Variants in PRIM2 observed in about 807,000 individuals in gnomAD.
The protein encoded by PRIM2 is DNA primase large subunit.
A neutral mutation model predicts 67.3 loss-of-function variants in PRIM2; 39 were observed. The observed-to-expected ratio is 0.58, with a 90% CI of 0.45 to 0.76. PRIM2 has a LOEUF of 0.76. PRIM2 is among the 30% of genes least tolerant of loss of function. The pLI is 0.00. For synonymous variants in PRIM2, 143 were observed against 198.7 expected (o/e 0.72, Z 2.36); for missense variants, 398 against 598.7 (o/e 0.66, Z 3.50).
At chr6:57,493,633 T>G (rs1327865952) in intron 7 of PRIM2, among the ~76,000 whole-genome samples, 1 of 152,208 alleles carries the variant, frequency 6.6e-6, no homozygotes, top group African/African-American at 2.4e-5. Context: ...TTCAAAACAT[T>G]TTACTAAAGA....
chr6:57,506,890 G>T (rs1774262195), intron 7 of PRIM2, among the ~76,000 whole-genome samples: 2 of 151,860 alleles, frequency 1.3e-5, no homozygotes. Flanking sequence ...GATATCCTTG[G>T]TTCCTTATAG....
chr6:57,521,506 C>T (rs1774623529), intron 8 of PRIM2, among the ~76,000 whole-genome samples: 1 of 150,706 alleles, frequency 6.6e-6, no homozygotes, highest in Non-Finnish European at 1.5e-5. Flanking sequence ...ATTATTACAC[C>T]TGGCTTTATG....
chr6:57,451,659 G>C (rs1157782509), intron 7 of PRIM2, among the ~76,000 whole-genome samples: 1 of 152,070 alleles, frequency 6.6e-6, no homozygotes, highest in Non-Finnish European at 1.5e-5. Flanking sequence ...GGCAGTGCTA[G>C]AGTATGAAAA....
chr6:57,588,267 A>C (rs1776229253), intron 10 of PRIM2, among the ~76,000 whole-genome samples: 1 of 152,104 alleles, frequency 6.6e-6, no homozygotes. Flanking sequence ...TTGACCTTTA[A>C]GAGGTCCCAT....
At chr6:57,424,294 A>G (rs1267949902) in intron 7 of PRIM2, among the ~76,000 whole-genome samples, 1 of 152,198 alleles carries the variant, frequency 6.6e-6, no homozygotes, top group Non-Finnish European at 1.5e-5. Context: ...TTTATTAACA[A>G]AAAGATAGTA....
chr6:57,431,089 G>GAC (rs1241396224), intron 7 of PRIM2, among the ~76,000 whole-genome samples: 19 of 152,232 alleles, frequency 1.2e-4, no homozygotes, highest in African/African-American at 4.3e-4. Context: ...TACACACACA[G>GAC]ACACACACAC....
intron 7 of PRIM2, among the ~76,000 whole-genome samples, chr6:57,493,036 T>C (rs1773931747): frequency 6.6e-6 from 1 of 152,238 alleles, no homozygotes; most frequent in Non-Finnish European, 1.5e-5. Flanking sequence ...AGTTCTGAGA[T>C]TGATTGATTT....
At chr6:57,385,541 A>G (rs949330465) in intron 7 of PRIM2, among the ~76,000 whole-genome samples, 5 of 152,214 alleles carry the variant, frequency 3.3e-5, no homozygotes, top group Non-Finnish European at 4.4e-5. Flanking sequence ...ATTAATGTTT[A>G]TAAGTTACTA....
At chr6:57,575,529 A>G (rs1379257625) in intron 10 of PRIM2, among the ~76,000 whole-genome samples, 1 of 152,102 alleles carries the variant, frequency 6.6e-6, no homozygotes, top group African/African-American at 2.4e-5. Flanking sequence ...CTATTGAGGG[A>G]CTCTGTTACT....
In PRIM2 at chr6:57,375,947, C is replaced by T. The variant is rs570066608; in HGVS notation, c.460-3954C>T. Among the ~76,000 whole-genome samples the T allele has an allele frequency of 5.3e-5, 8 of 152,108 alleles. 1 individual carries two copies. The South Asian group carries it at 1.7e-3, about 32-fold the overall frequency. On this transcript the variant is annotated intron_variant, in intron 5 of 13. Transcript: ENST00000615550. The stretch of plus-strand genomic sequence containing the variant: ...AATGGCCAGGCATGGTGGCTCACAT[C>T]TGTAATTCTAACACTTTGAGAGGGC...
At chr6:57,418,563 A>ATT (rs202198401) in intron 7 of PRIM2, among the ~76,000 whole-genome samples, 2 of 149,884 alleles carry the variant, frequency 1.3e-5, no homozygotes, top group African/African-American at 4.9e-5. Context: ...CGCCCAGCTA[A>ATT]TTTTTTTTTG....
intron 6 of PRIM2, among the ~76,000 whole-genome samples, chr6:57,381,070 G>A (rs55678766): frequency 0.011 from 1,494 of 141,576 alleles, 12 homozygotes; most frequent in African/African-American, 0.02. Flanking sequence ...CTGCTCATCT[G>A]ATATGTCCTA....
intron 12 of PRIM2, among the ~76,000 whole-genome samples, chr6:57,627,322 TAG>T (rs1262126185): frequency 1.6e-5 from 2 of 123,782 alleles, no homozygotes; most frequent in East Asian, 5.1e-4. Context: ...TAAAAATATA[TAG>T]AGTTTAAAAA....
At chr6:57,272,365 C>T in the PRIM2 span, among the ~76,000 whole-genome samples, 1 of 152,136 alleles carries the variant, frequency 6.6e-6, no homozygotes, top group Admixed American at 6.5e-5. Flanking sequence ...GAATTGATCC[C>T]TTTACCATTA....
intron 13 of PRIM2, among the ~76,000 whole-genome samples, chr6:57,633,648 GA>G (rs1379867104): frequency 6.6e-6 from 1 of 152,114 alleles, no homozygotes; most frequent in Non-Finnish European, 1.5e-5. Flanking sequence ...CAGTTTCATG[GA>G]AGACAATTTT....
intron 7 of PRIM2, among the ~76,000 whole-genome samples, chr6:57,476,000 G>C (rs1773469507): frequency 6.6e-6 from 1 of 151,948 alleles, no homozygotes; most frequent in Non-Finnish European, 1.5e-5. Flanking sequence ...CTGACTCCTA[G>C]GTCAGTGTTG....
chr6:57,319,853 A>G (rs1196179327), intron 2 of PRIM2, among the ~76,000 whole-genome samples: 1 of 151,698 alleles, frequency 6.6e-6, no homozygotes, highest in Non-Finnish European at 1.5e-5. Flanking sequence ...CATGGGGTTT[A>G]TGTTCAGGAG....
intron 10 of PRIM2, among the ~76,000 whole-genome samples, chr6:57,561,389 A>C (rs2127478234): frequency 6.6e-6 from 1 of 152,118 alleles, no homozygotes; most frequent in Admixed American, 6.5e-5. Context: ...ACGCCGCCAC[A>C]CCCGGCTGAT....
chr6:57,272,975 G>A, the PRIM2 span, among the ~76,000 whole-genome samples: 1 of 152,296 alleles, frequency 6.6e-6, no homozygotes, highest in Admixed American at 6.5e-5. Flanking sequence ...TCTGGCTTGT[G>A]GGGTTTCTGC....
Sources: allele counts gnomAD v4.1 joint callset (sites outside exome capture counted in the v4.1 genomes callset), GRCh38; gene constraint gnomAD v4.1.1; transcripts MANE v1.5; gene names NCBI Gene and HGNC (gene_info 2026-07-23, HGNC 2026-07-21).